PARG: variants seen among roughly 807,000 people sequenced by gnomAD.
PARG encodes the protein poly(ADP-ribose) glycohydrolase, also known as mitochondrial poly(ADP-ribose) glycohydrolase.
In PARG, 35 loss-of-function variants were observed where a neutral mutation model predicts 113.0. The ratio of observed to expected loss-of-function variants is 0.31; its 90% confidence interval spans 0.24 to 0.41. The LOEUF (loss-of-function observed/expected upper bound fraction) is 0.41. Ranked by LOEUF, PARG falls within the 10% of genes least tolerant of loss-of-function variation. The probability of loss-of-function intolerance (pLI) is 1.00; values close to 1 mark genes in which losing one functional copy is unlikely to be tolerated. For missense variants in PARG, 797 were observed against 1,169.4 expected, an observed-to-expected ratio of 0.68 and a Z score of 4.64; for synonymous variants, 330 against 409.9, an observed-to-expected ratio of 0.81 and a Z score of 2.36.
In PARG at chr10:49,841,961, C is replaced by T. The variant is rs1554832376; in HGVS notation, c.2530G>A (p.Glu844Lys). The change falls in exon 15 of 18, where the codon GAG (glutamate) becomes AAG (lysine). Residue 844 changes from glutamate (E) to lysine (K), a missense_variant. By Grantham distance (56) the Glu-to-Lys change is moderately conservative. Around this residue, in one of 5 missense-constraint regions of PARG, gnomAD observed 194 missense variants for 247.1 expected, o/e 0.79. Transcript: ENST00000616448. ...DQFVPEKMRR[E>K]LNKAYCGFLR... is the part of the protein sequence containing the mutation. ...ATAAGGTTACTGGCCTTGTTCAGCTCGCGTCTCATTTTCTCAGGCACAAAC... is the reference window on the plus strand; with the variant it reads ...ATAAGGTTACTGGCCTTGTTCAGCTTGCGTCTCATTTTCTCAGGCACAAAC... 4 of 1,545,474 alleles carry T rather than the reference C, an allele frequency of 2.6e-6. No homozygotes were observed. The highest frequency in any genetic ancestry group is 2.4e-5 in the East Asian group (1 of 40,912).
chr10:49,865,674 T>C (rs1165913075), intron 10 of PARG, among the ~76,000 whole-genome samples: 2 of 149,198 alleles, frequency 1.3e-5, no homozygotes, highest in Non-Finnish European at 3.0e-5. Context: ...AGTGCTGGTA[T>C]TTTTGGTAAA....
At position 49,933,787 on chromosome 10, in the gene PARG, G is replaced by A. The variant is rs1838610540; in HGVS notation, c.661C>T (p.Gln221Ter). 1 of 1,613,400 alleles carries A rather than the reference G, an allele frequency of 6.2e-7. No individual in the cohort carries two copies. The highest frequency in any genetic ancestry group is 1.3e-5 in the African/African-American group (1 of 74,908). Reference sequence around the variant, plus strand: ...CTGGCCTGTTCATCTTCTGTAGTCTGCTTTGCATTTGCAAGCTTTACAGTT... The same window carrying A: ...CTGGCCTGTTCATCTTCTGTAGTCTACTTTGCATTTGCAAGCTTTACAGTT... ...LTTVKLANAK[Q>*]TTEDEQAREA... Residue 221 changes from glutamine (Q) to a stop codon, truncating the protein, a stop_gained, in exon 3 of 18, where the codon CAG (glutamine) becomes TAG (stop). Transcript: ENST00000616448. LOFTEE classifies it high-confidence loss of function.
Position 49,920,574 on chromosome 10 carries a change from G to GTA in PARG, c.1662+1760_1662+1761dup, listed in dbSNP as rs532293002. The stretch of plus-strand genomic sequence containing the variant: ...TATACATATATACGTATATATACGT[G>GTA]TATATATATACACATATATACATAT... On this transcript the variant is annotated intron_variant, in intron 6 of 17. Coordinates refer to ENST00000616448, the MANE Select transcript of PARG (RefSeq NM_003631.5). 1.2e-3 allele frequency among the ~76,000 whole-genome samples: 159 copies of GTA among 130,374 alleles called. 3 individuals carry two copies. The South Asian group carries it at 0.032, about 26-fold the overall frequency. The allele number at this position is 130,374 out of a possible 152,430, so 85.5% of individuals were successfully genotyped here.
chr10:49,932,237 G>A lies in PARG; in HGVS notation c.1318C>T (p.Pro440Ser), dbSNP rs1257570656. 3.1e-6 allele frequency: 5 copies of A among 1,597,816 alleles called. No homozygotes were observed. The highest frequency in any genetic ancestry group is 4.3e-6 in the Non-Finnish European group (5 of 1,165,226). ...GAAAGGTGAGGTGGAACGTATTTAGGGATCTTCCTTTCTGTTCTTTGATGT... is the reference window on the plus strand; with the variant it reads ...GAAAGGTGAGGTGGAACGTATTTAGAGATCTTCCTTTCTGTTCTTTGATGT... ...TKHQRTERKI[P>S]KYVPPHLSPD... The change falls in exon 4 of 18, where the codon CCT (proline) becomes TCT (serine). Residue 440 changes from proline to serine, a missense_variant. Physicochemically the swap from Pro to Ser is moderately conservative, Grantham distance 74. Around this residue, in one of 5 missense-constraint regions of PARG, gnomAD observed 252 missense variants for 437.4 expected, o/e 0.58. Coordinates refer to ENST00000616448, the MANE Select transcript of PARG (RefSeq NM_003631.5).
intron 4 of PARG, among the ~76,000 whole-genome samples, chr10:49,923,400 G>T (rs1379431159): frequency 6.6e-6 from 1 of 151,924 alleles, no homozygotes; most frequent in Non-Finnish European, 1.5e-5. Context: ...TATTAACTTT[G>T]TATTCTGAAT....
At chr10:49,883,544 A>T (rs1258210401) in intron 8 of PARG, among the ~76,000 whole-genome samples, 6 of 147,650 alleles carry the variant, frequency 4.1e-5, no homozygotes, top group Non-Finnish European at 7.5e-5. Flanking sequence ...CATGCCTGTA[A>T]TTTCAGCACC....
chr10:49,829,389 T>C (rs1844543046), intron 16 of PARG, among the ~76,000 whole-genome samples: 1 of 152,196 alleles, frequency 6.6e-6, no homozygotes, highest in Admixed American at 6.5e-5. Context: ...CATACCATTG[T>C]GCTCAGCTTA....
chr10:49,936,654 G>GT (rs1278355719), intron 1 of PARG, among the ~76,000 whole-genome samples: 1 of 152,078 alleles, frequency 6.6e-6, no homozygotes, highest in Non-Finnish European at 1.5e-5. Flanking sequence ...ATTCGCAAAT[G>GT]TTTAAGATTT....
intron 16 of PARG, among the ~76,000 whole-genome samples, chr10:49,826,323 C>T (rs536963720): frequency 2.0e-5 from 3 of 152,310 alleles, no homozygotes; most frequent in African/African-American, 2.4e-5. Context: ...GGTAGACAAA[C>T]GAGGTGACCT....
At chr10:49,920,793 C>T (rs112271960) in intron 6 of PARG, among the ~76,000 whole-genome samples, 1 of 151,894 alleles carries the variant, frequency 6.6e-6, no homozygotes, top group African/African-American at 2.4e-5. Context: ...GAGTGGTTAG[C>T]GTATTGCTGG....
chr10:49,911,385 A>G (rs564153103), intron 7 of PARG, among the ~76,000 whole-genome samples: 1 of 152,166 alleles, frequency 6.6e-6, no homozygotes, highest in Non-Finnish European at 1.5e-5. Flanking sequence ...CCAGTGAAAA[A>G]TGCCAGGAGT....
At chr10:49,838,927 A>AC (rs1554831659) in intron 15 of PARG, among the ~76,000 whole-genome samples, 1 of 152,246 alleles carries the variant, frequency 6.6e-6, no homozygotes, top group Non-Finnish European at 1.5e-5. Flanking sequence ...TTTATTGAGC[A>AC]CTTGAAGAAT....
At chr10:49,838,093 G>A (rs2132427466) in intron 15 of PARG, among the ~76,000 whole-genome samples, 1 of 152,292 alleles carries the variant, frequency 6.6e-6, no homozygotes, top group African/African-American at 2.4e-5. Context: ...TCTAGAAGGT[G>A]AGGCCTAGTT....
chr10:49,920,487 TATATATATATACAC>T (rs1481697402), intron 6 of PARG, among the ~76,000 whole-genome samples: 23 of 104,244 alleles, frequency 2.2e-4, no homozygotes, highest in African/African-American at 3.8e-4. Context: ...TATATATATA[TATATATATATACAC>T]ACACACACAC....
At position 49,922,269 on chromosome 10, in the gene PARG, A is replaced by G. The variant is rs572674378; in HGVS notation, c.1662+67T>C. ...AATGTTGCTACCTGAGTCTATTAAG[A>G]CCAAAAAGTCTTTGAAAGAGGAGAC... On this transcript the variant is annotated intron_variant, in intron 6 of 17. Coordinates refer to ENST00000616448, the MANE Select transcript of PARG (RefSeq NM_003631.5). The G allele has an allele frequency of 8.5e-6, 13 of 1,521,714 alleles. No individual in the cohort carries two copies. The South Asian group carries it at 1.3e-4, about 16-fold the overall frequency. 94.3% of individuals were successfully genotyped at this position (1,521,714 alleles called of 1,614,324 possible). A position where few individuals can be genotyped will look rare whatever the true frequency, so the allele number is the denominator to read the frequency against.
At chr10:49,869,825 A>T (rs1472991630) in intron 9 of PARG, among the ~76,000 whole-genome samples, 1 of 151,882 alleles carries the variant, frequency 6.6e-6, no homozygotes, top group Non-Finnish European at 1.5e-5. Context: ...ACCACAGAGA[A>T]GGCACCATCC....
At chr10:49,911,379 T>C (rs557503608) in intron 7 of PARG, among the ~76,000 whole-genome samples, 1 of 152,162 alleles carries the variant, frequency 6.6e-6, no homozygotes, top group South Asian at 2.1e-4. Flanking sequence ...AACTTTCCAG[T>C]GAAAAATGCC....
In PARG at chr10:49,891,623, ATTTTTTT is replaced by A. The variant is rs1160158066; in HGVS notation, c.1738-6335_1738-6329del. 9.7e-4 allele frequency among the ~76,000 whole-genome samples: 46 copies of A among 47,374 alleles called. No homozygotes were observed. In the East Asian group the frequency reaches 0.014, roughly 15 times the overall value. The allele number at this position is 47,374 out of a possible 152,430, so 31.1% of individuals were successfully genotyped here. A position where few individuals can be genotyped will look rare whatever the true frequency, so the allele number is the denominator to read the frequency against. ...TATATATATATATATATATATATAT[ATTTTTTT>A]TTTTTTTTTTTTTTTTTGAGATAGC... On this transcript the variant is annotated intron_variant, in intron 7 of 17. Coordinates refer to ENST00000616448, the MANE Select transcript of PARG (RefSeq NM_003631.5).
intron 7 of PARG, among the ~76,000 whole-genome samples, chr10:49,891,432 T>A (rs1439153139): frequency 6.6e-6 from 1 of 151,234 alleles, no homozygotes; most frequent in Non-Finnish European, 1.5e-5. Context: ...TAGATACTAA[T>A]AAAATTGTGA....
Sources: allele counts gnomAD v4.1 joint callset (sites outside exome capture counted in the v4.1 genomes callset), GRCh38; gene constraint gnomAD v4.1.1; regional missense constraint gnomAD v4.1.1; transcripts MANE v1.5; gene names NCBI Gene and HGNC (gene_info 2026-07-23, HGNC 2026-07-21).